Variants in AHNAK2 observed in about 807,000 individuals in gnomAD.
AHNAK2 encodes the protein protein AHNAK2.
In AHNAK2, 18 loss-of-function variants were observed where a neutral mutation model predicts 30.7. The observed-to-expected ratio is 0.59, with a 90% CI of 0.41 to 0.87. The LOEUF is 0.87. Among genes scored for constraint, AHNAK2 ranks in the 40% least tolerant of loss-of-function variants. The pLI, the probability that AHNAK2 is intolerant of heterozygous loss-of-function variation, is 0.00. For missense variants in AHNAK2, 8,604 were observed against 7,373.0 expected (o/e 1.17, Z -6.11); for synonymous variants, 3,590 against 3,073.8 (o/e 1.17, Z -5.56).
Position 104,949,648 on chromosome 14 carries a change from G to C in AHNAK2, c.5803C>G (p.Leu1935Val). 5.0e-6 allele frequency: 8 copies of C among 1,588,286 alleles called. No homozygotes were observed. The highest frequency in any genetic ancestry group is 6.9e-6 in the Non-Finnish European group (8 of 1,163,202). ...QTDVKGAKLDLKGPKAEVTAP... is the reference protein window; with the variant it reads ...QTDVKGAKLDVKGPKAEVTAP... ...GTCACTTCCGCCTTGGGGCCTTTCAGGTCCAGCTTGGCGCCCTTAACATCT... is the reference window on the plus strand; with the variant it reads ...GTCACTTCCGCCTTGGGGCCTTTCACGTCCAGCTTGGCGCCCTTAACATCT... Residue 1935 changes from leucine to valine, a missense_variant, in exon 7 of 7, where the codon CTG (leucine) becomes GTG (valine). Physicochemically the swap from Leu to Val is conservative, Grantham distance 32. Transcript: ENST00000333244.
rs1382883850 is a variant in AHNAK2, at chr14:104,949,740, C to T, written c.5711G>A (p.Gly1904Glu). 1 of 1,587,584 alleles carries T rather than the reference C, an allele frequency of 6.3e-7. No individual in the cohort carries two copies. The highest frequency in any genetic ancestry group is 1.4e-5 in the African/African-American group (1 of 72,668). The change falls in exon 7 of 7, where the codon GGG becomes GAG. Residue 1904 changes from glycine to glutamate, a missense_variant. Gly to Glu is a moderately conservative substitution (Grantham distance 98, BLOSUM62 -2). Transcript: ENST00000333244. Reference sequence around the variant, plus strand: ...GGGCATATCCACCTTGGGCAAGTGCCCTTTGAGGCCGGCTCCCTCGGGCAC... The same window carrying T: ...GGGCATATCCACCTTGGGCAAGTGCTCTTTGAGGCCGGCTCCCTCGGGCAC... ...GQVPEGAGLK[G>E]HLPKVDMPSF... is the part of the protein sequence containing the mutation.
intron 3 of AHNAK2, 110 bp downstream of exon 3, chr14:104,957,300 G>C: frequency 9.7e-7 from 1 of 1,030,006 alleles, no homozygotes; most frequent in Non-Finnish European, 1.4e-6. Flanking sequence ...GCACTGCCCA[G>C]TGGGCAGCGG....
intron 1 of AHNAK2, among the ~76,000 whole-genome samples, chr14:104,962,368 A>C: frequency 6.6e-6 from 1 of 152,204 alleles, no homozygotes. Context: ...ATCAGTGAAC[A>C]GAAAACAAAG....
At position 104,950,602 on chromosome 14, in the gene AHNAK2, C is replaced by T; in HGVS notation, c.4849G>A (p.Val1617Met). The stretch of plus-strand genomic sequence containing the variant: ...TCCATGCTGGACAGAGACATCTTCA[C>T]ATCGGGGGCTGTCACTTCCACCTTG... ...GPKVEVTAPD[V>M]KMSLSSMEVD... is the part of the protein sequence containing the mutation. The change falls in exon 7 of 7, where the codon GTG (valine) becomes ATG (methionine). Residue 1617 changes from valine (V) to methionine (M), a missense_variant. Physicochemically the swap from Val to Met is conservative, Grantham distance 21. Coordinates refer to ENST00000333244, the MANE Select transcript of AHNAK2 (RefSeq NM_138420.4). 6.3e-7 allele frequency: 1 copy of T among 1,587,154 alleles called. No individual in the cohort carries two copies. The highest frequency in any genetic ancestry group is 1.7e-5 in the Admixed American group (1 of 57,506).
chr14:104,945,316 C>T lies in AHNAK2; in HGVS notation c.10135G>A (p.Gly3379Ser), dbSNP rs754763880. The T allele has an allele frequency of 1.2e-6, 2 of 1,612,768 alleles. No individual in the cohort carries two copies. Among genetic ancestry groups the T allele is most frequent in the Non-Finnish European group, 1.7e-6 (2 of 1,179,558 alleles). The change falls in exon 7 of 7, where the codon GGC becomes AGC. Residue 3379 changes from glycine (G) to serine (S), a missense_variant. Transcript: ENST00000333244. ...AGQVDVKLPE[G>S]HVPEGAGLKG... ...AGGCCAGCTCCCTCGGGCACGTGGCCCTCCGGGAGCTTCACGTCCACCTGG... is the reference window on the plus strand; with the variant it reads ...AGGCCAGCTCCCTCGGGCACGTGGCTCTCCGGGAGCTTCACGTCCACCTGG...
Position 104,947,634 on chromosome 14 carries a change from T to G in AHNAK2, c.7817A>C (p.Asp2606Ala). 6.2e-7 allele frequency: 1 copy of G among 1,612,794 alleles called. No homozygotes were observed. The highest frequency in any genetic ancestry group is 1.3e-5 in the African/African-American group (1 of 74,556). ...KGPKAEVTAP[D>A]VEMSLSSMEV... ...CATGCTGGACAGAGACATCTCCACA[T>G]CGGGGGCTGTCACTTCCGCCTTGGG... Residue 2606 changes from aspartate (D) to alanine (A), a missense_variant, in exon 7 of 7, where the codon GAT (aspartate) becomes GCT (alanine). Coordinates refer to ENST00000333244, the MANE Select transcript of AHNAK2 (RefSeq NM_138420.4).
chr14:104,973,342 C>T (rs962962621), intron 1 of AHNAK2, among the ~76,000 whole-genome samples: 6 of 152,210 alleles, frequency 3.9e-5, no homozygotes, highest in East Asian at 1.9e-4. Context: ...GTGAATCAGC[C>T]GGGAGGAGGC....
At chr14:104,969,675 G>A (rs1488597820) in intron 1 of AHNAK2, among the ~76,000 whole-genome samples, 1 of 152,226 alleles carries the variant, frequency 6.6e-6, no homozygotes, top group Non-Finnish European at 1.5e-5. Flanking sequence ...GATGGGGATG[G>A]GAGGGCAGCA....
At position 104,941,403 on chromosome 14, in the gene AHNAK2, T is replaced by A; in HGVS notation, c.14048A>T (p.Asp4683Val). The A allele has an allele frequency of 6.2e-7, 1 of 1,613,274 alleles. No individual in the cohort carries two copies. Among genetic ancestry groups the A allele is most frequent in the Non-Finnish European group, 8.5e-7 (1 of 1,179,838 alleles). ...TCCAACAGCAAGCCCCAAGTTACCA[T>A]CGCGAGATGGATCATGAAGATCACC... Reference protein sequence around the residue: ...HEGDLHDPSRDGNLGLAVGEV... With the variant: ...HEGDLHDPSRVGNLGLAVGEV... Residue 4683 changes from aspartate to valine, a missense_variant, in exon 7 of 7, where the codon GAT becomes GTT. Transcript: ENST00000333244.
Position 104,952,967 on chromosome 14 carries a change from G to A in AHNAK2, c.2484C>T (p.Ala828=). 6.2e-7 allele frequency: 1 copy of A among 1,612,400 alleles called. No individual in the cohort carries two copies. Among genetic ancestry groups the A allele is most frequent in the Non-Finnish European group, 8.5e-7 (1 of 1,179,516 alleles). Residue 828 remains alanine, a synonymous_variant, in exon 7 of 7, where the codon GCC becomes GCT. Coordinates refer to ENST00000333244, the MANE Select transcript of AHNAK2 (RefSeq NM_138420.4). Reference sequence around the variant, plus strand: ...TGGGCATTTTGAACTTGCTGTCTTTGGCAGTCACCTCCTTGTCGGCCAGGG... The same window carrying A: ...TGGGCATTTTGAACTTGCTGTCTTTAGCAGTCACCTCCTTGTCGGCCAGGG... The part of the protein sequence containing the change: ...DLSLADKEVT[A]KDSKFKMPKF...
At position 104,944,239 on chromosome 14, in the gene AHNAK2, C is replaced by A. The variant is rs774213054; in HGVS notation, c.11212G>T (p.Gly3738Cys). 6.2e-7 allele frequency: 1 copy of A among 1,612,720 alleles called. No homozygotes were observed. Among genetic ancestry groups the A allele is most frequent in the Admixed American group, 1.7e-5 (1 of 59,930 alleles). ...SLKMPKVDLK[G>C]PQVDIKGPKL... Reference sequence around the variant, plus strand: ...GGGCCCTTGATGTCCACCTGGGGGCCCTTGAGGTCCACTTTGGGCATCTTC... The same window carrying A: ...GGGCCCTTGATGTCCACCTGGGGGCACTTGAGGTCCACTTTGGGCATCTTC... Residue 3738 changes from glycine to cysteine, a missense_variant, in exon 7 of 7, where the codon GGC becomes TGC. Transcript: ENST00000333244.
Position 104,943,407 on chromosome 14 carries a change from T to A in AHNAK2, c.12044A>T (p.Asp4015Val), listed in dbSNP as rs1271859866. The A allele has an allele frequency of 3.7e-6, 6 of 1,613,084 alleles. No homozygotes were observed. Among genetic ancestry groups the A allele is most frequent in the Non-Finnish European group, 5.1e-6 (6 of 1,179,636 alleles). Residue 4015 changes from aspartate (D) to valine (V), a missense_variant, in exon 7 of 7, where the codon GAC (aspartate) becomes GTC (valine). By Grantham distance (152) the Asp-to-Val change is radical. Transcript: ENST00000333244. ...PSMQGDLKAT[D>V]LSVQPPSADL... is the part of the protein sequence containing the mutation. ...AGCGGAAGGGGGCTGAACGCTGAGG[T>A]CAGTGGCCTTGAGGTCCCCCTGCAT...
In AHNAK2 at chr14:104,950,415, G is replaced by T. The variant is rs11852054; in HGVS notation, c.5036C>A (p.Ala1679Asp). The T allele has an allele frequency of 3.1e-4, 495 of 1,586,838 alleles. 27 individuals carry two copies. The African/African-American group carries it at 3.8e-3, about 12-fold the overall frequency. The change falls in exon 7 of 7, where the codon GCC becomes GAC. Residue 1679 changes from alanine (A) to aspartate (D), a missense_variant. Physicochemically the swap from Ala to Asp is moderately radical, Grantham distance 126. Transcript: ENST00000333244. ...CTTCGGCTCAGACACATCCACCGAG[G>T]CCTCGATGGACTTGCCTGGGGCCGA... is the stretch of plus-strand genomic sequence containing the variant. The part of the protein sequence containing the change: ...GVSAPGKSIE[A>D]SVDVSEPKVE...
chr14:104,950,235 C>G lies in AHNAK2; in HGVS notation c.5216G>C (p.Gly1739Ala). ...GGGCATCTGCACCTTGGGGAGGTGC[C>G]CTTTGAAGCCGGCTCCCTCGGGAAG... ...GPLPEGAGFK[G>A]HLPKVQMPSL... The change falls in exon 7 of 7, where the codon GGG becomes GCG. Residue 1739 changes from glycine to alanine, a missense_variant. By Grantham distance (60) the Gly-to-Ala change is moderately conservative (BLOSUM62 0). Coordinates refer to ENST00000333244, the MANE Select transcript of AHNAK2 (RefSeq NM_138420.4). 3 of 1,585,488 alleles carry G rather than the reference C, an allele frequency of 1.9e-6. No individual in the cohort carries two copies. Among genetic ancestry groups the G allele is most frequent in the Non-Finnish European group, 2.6e-6 (3 of 1,162,776 alleles).
In AHNAK2 at chr14:104,946,699, C is replaced by T. The variant is rs77077255; in HGVS notation, c.8752G>A (p.Val2918Ile). 1.3e-3 allele frequency: 2,132 copies of T among 1,608,316 alleles called. 1 individual carries two copies. The African/African-American group carries it at 0.022, about 16-fold the overall frequency. ...KVDLKGPQIDVKGPKLDLKGP... is the reference protein window; with the variant it reads ...KVDLKGPQIDIKGPKLDLKGP... ...TTCAGGTCCAGCTTGGGGCCCTTGA[C>T]GTCTATCTGGGGGCCCTTGAGATCC... is the stretch of plus-strand genomic sequence containing the variant. Residue 2918 changes from valine (V) to isoleucine (I), a missense_variant, in exon 7 of 7, where the codon GTC becomes ATC. Physicochemically the swap from Val to Ile is conservative, Grantham distance 29 (BLOSUM62 3). Coordinates refer to ENST00000333244, the MANE Select transcript of AHNAK2 (RefSeq NM_138420.4).
chr14:104,966,582 C>T lies in AHNAK2; in HGVS notation c.56-8910G>A, dbSNP rs568534927. Among the ~76,000 whole-genome samples the T allele has an allele frequency of 7.9e-5, 12 of 152,104 alleles. No individual in the cohort carries two copies. The highest frequency in any genetic ancestry group is 1.2e-4 in the African/African-American group (5 of 41,428). ...ACAGACAGAACTTGGCCAGCCCCAC[C>T]GCTCTGCCTCCCAGATGGCTGCCAA... is the stretch of plus-strand genomic sequence containing the variant. On this transcript the variant is annotated intron_variant, in intron 1 of 6. Coordinates refer to ENST00000333244, the MANE Select transcript of AHNAK2 (RefSeq NM_138420.4). The surrounding 1 kb of genome is among the most constrained non-coding windows in gnomAD (Gnocchi z 4.3).
At position 104,942,195 on chromosome 14, in the gene AHNAK2, G is replaced by T; in HGVS notation, c.13256C>A (p.Ser4419Tyr). The T allele has an allele frequency of 6.2e-7, 1 of 1,612,792 alleles. No individual in the cohort carries two copies. Among genetic ancestry groups the T allele is most frequent in the Non-Finnish European group, 8.5e-7 (1 of 1,179,662 alleles). ...GGGCAGAGACACGTCCAGGTTGGGG[G>T]ACGTCACCTCCACCTTGGGGCCTTT... is the stretch of plus-strand genomic sequence containing the variant. The part of the protein sequence containing the change: ...DLKGPKVEVT[S>Y]PNLDVSLPSM... The change falls in exon 7 of 7, where the codon TCC (serine) becomes TAC (tyrosine). Residue 4419 changes from serine to tyrosine, a missense_variant. Physicochemically the swap from Ser to Tyr is moderately radical, Grantham distance 144. Coordinates refer to ENST00000333244, the MANE Select transcript of AHNAK2 (RefSeq NM_138420.4).
In AHNAK2 at chr14:104,942,215, G is replaced by C. The variant is rs1225916846; in HGVS notation, c.13236C>G (p.Gly4412=). The C allele has an allele frequency of 6.2e-7, 1 of 1,613,180 alleles. No individual in the cohort carries two copies. Among genetic ancestry groups the C allele is most frequent in the Non-Finnish European group, 8.5e-7 (1 of 1,179,756 alleles). The change falls in exon 7 of 7, where the codon GGC becomes GGG. Residue 4412 remains glycine (G), a synonymous_variant. Transcript: ENST00000333244. ...TGGGGGACGTCACCTCCACCTTGGG[G>C]CCTTTCAGGTCCAGCTTGGGGACAT... ...DVNVPKLDLK[G]PKVEVTSPNL...
chr14:104,957,711 G>A lies in AHNAK2; in HGVS notation c.56-39C>T, dbSNP rs540735181. 16 of 1,593,002 alleles carry A rather than the reference G, an allele frequency of 1.0e-5. 1 individual carries two copies. The Middle Eastern group carries it at 6.8e-4, about 68-fold the overall frequency. On this transcript the variant is annotated intron_variant, in intron 1 of 6. Transcript: ENST00000333244. ...GGCTGTCAGTGGAGACAAGCAGGCT[G>A]GGGGAGCAGATCGGGGCCCGGGGGA...
Sources: gnomAD v4.1 joint callset for allele counts (sites outside exome capture counted in the v4.1 genomes callset) on GRCh38, gnomAD v4.1.1 for gene constraint, Gnocchi (gnomAD v3.1) non-coding constraint, MANE v1.5 for transcripts, NCBI Gene and HGNC (gene_info 2026-07-23, HGNC 2026-07-21) for gene names.